SEMA3E: variants seen among roughly 807,000 people sequenced by gnomAD.
The protein encoded by SEMA3E is semaphorin-3E.
In SEMA3E, 49 loss-of-function variants were observed where a neutral mutation model predicts 93.6. That is an observed-to-expected ratio of 0.52 (90% CI 0.42 to 0.66). The LOEUF (loss-of-function observed/expected upper bound fraction) is 0.66, where lower values mean the gene tolerates loss of function less well. Among genes scored for constraint, SEMA3E ranks in the 30% least tolerant of loss-of-function variants. The pLI, the probability that SEMA3E is intolerant of heterozygous loss-of-function variation, is 0.00. For missense variants in SEMA3E, 906 were observed against 964.8 expected (o/e 0.94, Z 0.81); for synonymous variants, 363 against 330.7 (o/e 1.10, Z -1.06).
chr7:83,471,009 CT>C (rs1789882342), intron 2 of SEMA3E, among the ~76,000 whole-genome samples: 1 of 151,776 alleles, frequency 6.6e-6, no homozygotes, highest in East Asian at 1.9e-4. Context: ...TATAATTTAG[CT>C]TTTCATAATA....
At chr7:83,454,967 T>A (rs2115834475) in intron 4 of SEMA3E, among the ~76,000 whole-genome samples, 1 of 152,306 alleles carries the variant, frequency 6.6e-6, no homozygotes, top group East Asian at 1.9e-4. Context: ...AGTATCTACA[T>A]ATTTTCAGAG....
At chr7:83,544,276 G>A (rs1489344092) in intron 1 of SEMA3E, among the ~76,000 whole-genome samples, 1 of 151,994 alleles carries the variant, frequency 6.6e-6, no homozygotes, top group Non-Finnish European at 1.5e-5. Context: ...ACAGATAATT[G>A]AGAAGTACAG....
chr7:83,437,246 A>C (rs1381696424), intron 4 of SEMA3E, among the ~76,000 whole-genome samples: 2 of 152,322 alleles, frequency 1.3e-5, no homozygotes, highest in Non-Finnish European at 2.9e-5. Flanking sequence ...AATAATAATA[A>C]TAATAAAGTT....
At chr7:83,559,927 G>T (rs2115831122) in intron 1 of SEMA3E, among the ~76,000 whole-genome samples, 1 of 152,096 alleles carries the variant, frequency 6.6e-6, no homozygotes, top group African/African-American at 2.4e-5. Flanking sequence ...AAAACACATG[G>T]AGGAATCTTA....
chr7:83,450,941 C>T (rs780924674), intron 4 of SEMA3E, among the ~76,000 whole-genome samples: 6 of 152,062 alleles, frequency 3.9e-5, no homozygotes, highest in African/African-American at 7.2e-5. Context: ...TTGTGTTCCC[C>T]ACCCTAATCT....
At chr7:83,559,569 T>C (rs215267) in intron 1 of SEMA3E, among the ~76,000 whole-genome samples, 81,715 of 151,600 alleles carry the variant, frequency 0.54, 22,861 homozygotes, top group African/African-American at 0.68. Flanking sequence ...ACTGACAATA[T>C]CAAATGCTGG....
At chr7:83,577,556 T>C (rs922784539) in intron 1 of SEMA3E, among the ~76,000 whole-genome samples, 1 of 152,150 alleles carries the variant, frequency 6.6e-6, no homozygotes, top group Non-Finnish European at 1.5e-5. Context: ...AATATTATAT[T>C]TTGTCTGTAT....
At chr7:83,399,229 A>T (rs1238162503) in intron 11 of SEMA3E, among the ~76,000 whole-genome samples, 1 of 152,184 alleles carries the variant, frequency 6.6e-6, no homozygotes, top group Non-Finnish European at 1.5e-5. Context: ...TTTAAAAATG[A>T]CTAGGATTTT....
chr7:83,534,652 A>G (rs551445908), intron 1 of SEMA3E, among the ~76,000 whole-genome samples: 1 of 152,268 alleles, frequency 6.6e-6, no homozygotes, highest in Admixed American at 6.5e-5. Flanking sequence ...CAGGTCTGTC[A>G]CTTGTTTCTA....
chr7:83,507,424 C>CTGTGTGTGTGTGTG (rs4016317), intron 1 of SEMA3E, among the ~76,000 whole-genome samples: 179 of 125,982 alleles, frequency 1.4e-3, no homozygotes, highest in Middle Eastern at 4.2e-3. Flanking sequence ...AAACAGAACT[C>CTGTGTGTGTGTGTG]TGTGTGTGTG....
intron 4 of SEMA3E, among the ~76,000 whole-genome samples, chr7:83,456,337 T>C (rs1789476403): frequency 6.6e-6 from 1 of 152,150 alleles, no homozygotes; most frequent in Non-Finnish European, 1.5e-5. Context: ...TAGTTTATAT[T>C]TGTATCACTT....
chr7:83,369,293 G>T (rs541415054), intron 16 of SEMA3E, among the ~76,000 whole-genome samples: 253 of 152,278 alleles, frequency 1.7e-3, no homozygotes, highest in Non-Finnish European at 2.8e-3. Context: ...ATAGGTCCTG[G>T]CCAGGCATGC....
At chr7:83,617,711 C>T (rs1366466064) in intron 1 of SEMA3E, among the ~76,000 whole-genome samples, 2 of 149,364 alleles carry the variant, frequency 1.3e-5, no homozygotes, top group African/African-American at 4.9e-5. Context: ...TTGTAAATCA[C>T]TGTTTGATGG....
intron 4 of SEMA3E, among the ~76,000 whole-genome samples, chr7:83,422,523 T>G (rs1301902322): frequency 6.6e-6 from 1 of 152,234 alleles, no homozygotes; most frequent in African/African-American, 2.4e-5. Flanking sequence ...AATATAATAC[T>G]TGTTTGCCCC....
intron 1 of SEMA3E, among the ~76,000 whole-genome samples, chr7:83,495,672 T>C (rs1302191772): frequency 6.6e-6 from 1 of 151,902 alleles, no homozygotes; most frequent in Non-Finnish European, 1.5e-5. Context: ...TCAACACTGT[T>C]CTGTGAATAG....
intron 1 of SEMA3E, among the ~76,000 whole-genome samples, chr7:83,564,743 A>G (rs534804324): frequency 1.3e-5 from 2 of 152,288 alleles, no homozygotes; most frequent in East Asian, 3.9e-4. Flanking sequence ...GTTGTTCAAA[A>G]TATGTGTTCA....
At chr7:83,565,018 C>G (rs1227581960) in intron 1 of SEMA3E, among the ~76,000 whole-genome samples, 2 of 152,084 alleles carry the variant, frequency 1.3e-5, no homozygotes, top group Non-Finnish European at 2.9e-5. Context: ...GGGGATATCA[C>G]CACTGATCCC....
intron 2 of SEMA3E, among the ~76,000 whole-genome samples, chr7:83,473,950 A>C (rs1789955338): frequency 6.6e-6 from 1 of 151,906 alleles, no homozygotes; most frequent in Non-Finnish European, 1.5e-5. Context: ...AAAACTAGCC[A>C]GGCGTGGTGG....
At chr7:83,370,137 C>G (rs570156823) in intron 16 of SEMA3E, among the ~76,000 whole-genome samples, 1 of 151,994 alleles carries the variant, frequency 6.6e-6, no homozygotes, top group Non-Finnish European at 1.5e-5. Context: ...ACTTTTATTC[C>G]TTTGTTTCAG....
Sources: allele counts gnomAD v4.1 joint callset (sites outside exome capture counted in the v4.1 genomes callset), GRCh38; gene constraint gnomAD v4.1.1; transcripts MANE v1.5; gene names NCBI Gene and HGNC (gene_info 2026-07-23, HGNC 2026-07-21).